Variants in SLC24A2 observed in about 807,000 individuals in gnomAD.
SLC24A2 encodes the protein solute carrier family 24 member 2.
In SLC24A2, 36 loss-of-function variants were observed where a neutral mutation model predicts 62.0. The ratio of observed to expected loss-of-function variants is 0.58; its 90% CI spans 0.44 to 0.77. The LOEUF (loss-of-function observed/expected upper bound fraction) is 0.77. Among genes scored for constraint, SLC24A2 ranks in the 30% least tolerant of loss-of-function variants. The pLI, the probability that SLC24A2 is intolerant of heterozygous loss-of-function variation, is 0.00. For missense variants in SLC24A2, 846 were observed against 817.9 expected (o/e 1.03, Z -0.42); for synonymous variants, 358 against 294.0 (o/e 1.22, Z -2.23).
the SLC24A2 span, among the ~76,000 whole-genome samples, chr9:20,227,381 T>A: frequency 2.0e-5 from 3 of 152,148 alleles, no homozygotes; most frequent in Non-Finnish European, 4.4e-5. Flanking sequence ...ACTTGCATCA[T>A]CTTTGTGGTG....
rs1231507740 is a variant in SLC24A2, at chr9:19,513,188, A to ATATATATG, written c.*2964_*2965insCATATATA. 79 of 140,408 alleles carry ATATATATG rather than the reference A, an allele frequency of 5.6e-4. No individual in the cohort carries two copies. Among genetic ancestry groups the ATATATATG allele is most frequent in the Admixed American group, 7.2e-4 (10 of 13,916 alleles). The allele number at this position is 140,408 out of a possible 1,614,324, so 8.7% of individuals were successfully genotyped here. A position where few individuals can be genotyped will look rare whatever the true frequency, so the allele number is the denominator to read the frequency against. ...TATATATATATATGTATATATATAT[A>ATATATATG]TATGTATATATTTATATATGTATAT... On this transcript the variant is annotated 3_prime_UTR_variant, in exon 11 of 11. Coordinates refer to ENST00000341998, the MANE Select transcript of SLC24A2 (RefSeq NM_020344.4).
intron 2 of SLC24A2, among the ~76,000 whole-genome samples, chr9:19,664,172 A>T (rs1445180583): frequency 6.6e-6 from 1 of 152,236 alleles, no homozygotes; most frequent in Non-Finnish European, 1.5e-5. Context: ...GTTTTGTGAT[A>T]GTCTGTATAT....
the SLC24A2 span, among the ~76,000 whole-genome samples, chr9:19,965,942 G>A: frequency 6.6e-6 from 1 of 152,160 alleles, no homozygotes; most frequent in Admixed American, 6.5e-5. Context: ...TCATTGGCTC[G>A]GCATGAAATT....
chr9:19,668,544 G>T (rs1483394629), intron 2 of SLC24A2, among the ~76,000 whole-genome samples: 1 of 152,148 alleles, frequency 6.6e-6, no homozygotes, highest in Non-Finnish European at 1.5e-5. Flanking sequence ...GCTGTTGACT[G>T]TTTGAAATAC....
At chr9:20,230,305 T>C in the SLC24A2 span, among the ~76,000 whole-genome samples, 1,643 of 152,216 alleles carry the variant, frequency 0.011, 32 homozygotes, top group African/African-American at 0.036. Flanking sequence ...TGAGGAATCG[T>C]CACACTGATT....
chr9:19,732,601 G>C (rs530861936), intron 2 of SLC24A2, among the ~76,000 whole-genome samples: 144 of 152,268 alleles, frequency 9.5e-4, no homozygotes, highest in African/African-American at 3.3e-3. Context: ...ATGAGGCTTT[G>C]GCAATGTCAG....
the SLC24A2 span, among the ~76,000 whole-genome samples, chr9:19,813,462 C>T: frequency 5.4e-4 from 82 of 151,456 alleles, 1 homozygote; most frequent in African/African-American, 1.8e-3. Flanking sequence ...GGACTACAGG[C>T]GCACACCACC....
chr9:19,986,765 G>T, the SLC24A2 span, among the ~76,000 whole-genome samples: 1 of 152,122 alleles, frequency 6.6e-6, no homozygotes, highest in Non-Finnish European at 1.5e-5. Context: ...CAGATTGGTA[G>T]TTGCCCGAGG....
At chr9:19,911,256 T>C in the SLC24A2 span, among the ~76,000 whole-genome samples, 1 of 152,126 alleles carries the variant, frequency 6.6e-6, no homozygotes, top group Non-Finnish European at 1.5e-5. Context: ...CTCATCGTTT[T>C]TTATGGCTGC....
At chr9:20,088,662 G>A in the SLC24A2 span, among the ~76,000 whole-genome samples, 2 of 152,156 alleles carry the variant, frequency 1.3e-5, no homozygotes, top group Non-Finnish European at 2.9e-5. Flanking sequence ...ACTGGAGGTT[G>A]GAGCAGACCC....
chr9:19,568,770 T>G (rs1006456666), intron 7 of SLC24A2, among the ~76,000 whole-genome samples: 1 of 152,218 alleles, frequency 6.6e-6, no homozygotes, highest in Non-Finnish European at 1.5e-5. Context: ...GCATTTTTTT[T>G]GGAAAAGGTA....
At chr9:20,079,577 T>TTA in the SLC24A2 span, among the ~76,000 whole-genome samples, 1 of 152,250 alleles carries the variant, frequency 6.6e-6, no homozygotes, top group Non-Finnish European at 1.5e-5. Context: ...AGTTTGTTTC[T>TTA]GTTATTTTGC....
At chr9:19,709,594 T>A (rs145128330) in intron 2 of SLC24A2, among the ~76,000 whole-genome samples, 1 of 151,956 alleles carries the variant, frequency 6.6e-6, no homozygotes, top group African/African-American at 2.4e-5. Flanking sequence ...GAAGAGTTCA[T>A]GTCCTTTGTA....
chr9:20,231,615 C>G, the SLC24A2 span, among the ~76,000 whole-genome samples: 1 of 152,182 alleles, frequency 6.6e-6, no homozygotes, highest in Non-Finnish European at 1.5e-5. Flanking sequence ...AGTTGCTTAT[C>G]AGCTTGAGGA....
chr9:19,991,330 A>T, the SLC24A2 span, among the ~76,000 whole-genome samples: 1,134 of 152,254 alleles, frequency 7.4e-3, 8 homozygotes, highest in Non-Finnish European at 0.012. Context: ...CATGGGAGAA[A>T]GACAAAGGCC....
At chr9:20,283,541 T>C in the SLC24A2 span, among the ~76,000 whole-genome samples, 8 of 152,210 alleles carry the variant, frequency 5.3e-5, no homozygotes, top group Non-Finnish European at 1.0e-4. Flanking sequence ...GGCCGGAATA[T>C]CCATACGGGT....
the SLC24A2 span, among the ~76,000 whole-genome samples, chr9:20,084,417 T>C: frequency 1.3e-5 from 2 of 152,054 alleles, no homozygotes; most frequent in South Asian, 2.1e-4. Context: ...ACACTACAAA[T>C]CAGAATTCCC....
At chr9:20,246,631 C>G in the SLC24A2 span, among the ~76,000 whole-genome samples, 7 of 152,324 alleles carry the variant, frequency 4.6e-5, no homozygotes, top group East Asian at 1.2e-3. Context: ...GAATGCAGAT[C>G]TCCCTCAAGA....
At chr9:20,113,214 G>A in the SLC24A2 span, among the ~76,000 whole-genome samples, 3 of 152,064 alleles carry the variant, frequency 2.0e-5, no homozygotes, top group East Asian at 3.8e-4. Flanking sequence ...ATAGTTCTAG[G>A]GAACCAGGCA....
Sources: allele counts gnomAD v4.1 joint callset (sites outside exome capture counted in the v4.1 genomes callset), GRCh38; gene constraint gnomAD v4.1.1; transcripts MANE v1.5; gene names NCBI Gene and HGNC (gene_info 2026-07-23, HGNC 2026-07-21).